CHLSN: variants seen among roughly 807,000 people sequenced by gnomAD.
The protein encoded by CHLSN is protein cholesin.
the CHLSN span, chr7:988,737 G>T: frequency 6.3e-7 from 1 of 1,599,470 alleles, no homozygotes; most frequent in Non-Finnish European, 8.5e-7. Flanking sequence ...CCTGGCGTCA[G>T]TCCGGCCTCC....
the CHLSN span, chr7:1,093,588 C>G: frequency 1.7e-5 from 8 of 471,160 alleles, no homozygotes; most frequent in South Asian, 1.2e-4. Flanking sequence ...ATCAACATGG[C>G]AATTGCACTC....
At chr7:1,117,647 G>A in the CHLSN span, among the ~76,000 whole-genome samples, 12 of 127,402 alleles carry the variant, frequency 9.4e-5, no homozygotes, top group South Asian at 2.6e-4. Flanking sequence ...ACAGCTCTAC[G>A]GACCGGCTTC....
At chr7:1,090,658 C>G in the CHLSN span, among the ~76,000 whole-genome samples, 1 of 152,098 alleles carries the variant, frequency 6.6e-6, no homozygotes, top group South Asian at 2.1e-4. Context: ...CGGCAGAGCC[C>G]GGGCACCGCC....
the CHLSN span, among the ~76,000 whole-genome samples, chr7:1,096,785 G>A: frequency 6.6e-6 from 1 of 152,150 alleles, no homozygotes; most frequent in Admixed American, 6.5e-5. The surrounding 1 kb of genome is among the most constrained non-coding windows in gnomAD (Gnocchi z 4.6). Context: ...CGGCTTACCC[G>A]CCCTTCCCAG....
the CHLSN span, among the ~76,000 whole-genome samples, chr7:1,009,375 G>A: frequency 6.6e-6 from 1 of 152,292 alleles, no homozygotes; most frequent in Non-Finnish European, 1.5e-5. Context: ...GGTAAGCGCC[G>A]GGGAGGTGGC....
the CHLSN span, among the ~76,000 whole-genome samples, chr7:1,012,636 C>T: frequency 6.6e-6 from 1 of 152,250 alleles, no homozygotes; most frequent in Non-Finnish European, 1.5e-5. Flanking sequence ...AGGAGTGCCA[C>T]CCACTGCCCT....
chr7:1,037,059 C>G, the CHLSN span, among the ~76,000 whole-genome samples: 2 of 145,990 alleles, frequency 1.4e-5, 1 homozygote, highest in Non-Finnish European at 3.1e-5. Flanking sequence ...TGCAGTGAGC[C>G]GAGATCACAC....
At chr7:979,635 C>T in the CHLSN span, among the ~76,000 whole-genome samples, 1 of 151,852 alleles carries the variant, frequency 6.6e-6, no homozygotes, top group African/African-American at 2.4e-5. Context: ...GCCTGTAGTC[C>T]CAGCTACTCG....
chr7:1,004,735 C>T, the CHLSN span, among the ~76,000 whole-genome samples: 1 of 152,240 alleles, frequency 6.6e-6, no homozygotes, highest in African/African-American at 2.4e-5. Context: ...GGTCCCTGCG[C>T]AACTGCAGAC....
chr7:1,138,006 GCCGC>G, the CHLSN span: 1 of 27,100 alleles, frequency 3.7e-5, no homozygotes, highest in Admixed American at 3.0e-4. Context: ...GGACGCACCG[GCCGC>G]ACCGGCCGCA....
At chr7:1,012,068 G>A in the CHLSN span, among the ~76,000 whole-genome samples, 41 of 152,358 alleles carry the variant, frequency 2.7e-4, no homozygotes, top group East Asian at 4.2e-3. Flanking sequence ...AGCCGCCAAC[G>A]GGGCAGGCAC....
the CHLSN span, among the ~76,000 whole-genome samples, chr7:1,079,057 G>C: frequency 2.6e-5 from 4 of 151,590 alleles, no homozygotes; most frequent in Admixed American, 2.6e-4. Context: ...TCAGGGCTCT[G>C]TCAAGACTGC....
the CHLSN span, chr7:1,009,880 G>C: frequency 1.9e-5 from 26 of 1,340,306 alleles, no homozygotes; most frequent in African/African-American, 2.9e-5. Flanking sequence ...GCGAGTGAAG[G>C]CTTCGACCCC....
chr7:1,125,769 C>T, the CHLSN span, among the ~76,000 whole-genome samples: 9 of 152,250 alleles, frequency 5.9e-5, no homozygotes, highest in East Asian at 3.8e-4. Flanking sequence ...TCCGCAGACA[C>T]GGAAAGCCCT....
chr7:1,021,510 G>C, the CHLSN span: 3 of 985,454 alleles, frequency 3.0e-6, no homozygotes, highest in Non-Finnish European at 2.4e-6. Flanking sequence ...AGTAGTTGGA[G>C]CTGGGACCCC....
At chr7:1,020,979 ACCTTCAGGCAGGTACCTCCAGGCTGG>A in the CHLSN span, among the ~76,000 whole-genome samples, 2 of 138,504 alleles carry the variant, frequency 1.4e-5, no homozygotes, top group African/African-American at 6.8e-5. Flanking sequence ...CAGGCTGGGG[ACCTTCAGGCAGGTACCTCCAGGCTGG>A]GGACCTTCGG....
At chr7:1,083,873 G>A in the CHLSN span, among the ~76,000 whole-genome samples, 2 of 152,186 alleles carry the variant, frequency 1.3e-5, no homozygotes, top group Admixed American at 6.5e-5. Context: ...CACTGTTTCC[G>A]GGCTCGGCAG....
chr7:1,073,222 C>A, the CHLSN span, among the ~76,000 whole-genome samples: 44 of 152,318 alleles, frequency 2.9e-4, no homozygotes, highest in African/African-American at 9.9e-4. Flanking sequence ...GAACACCTTA[C>A]ACCCTCCTTC....
the CHLSN span, among the ~76,000 whole-genome samples, chr7:1,040,690 CAAAAAA>C: frequency 6.9e-6 from 1 of 145,340 alleles, no homozygotes; most frequent in South Asian, 2.1e-4. Context: ...TTAAAAAGAA[CAAAAAA>C]AAAAAAAAGG....
Sources: gnomAD v4.1 joint callset for allele counts (sites outside exome capture counted in the v4.1 genomes callset) on GRCh38, gnomAD v4.1.1 for gene constraint, Gnocchi (gnomAD v3.1) non-coding constraint, MANE v1.5 for transcripts, NCBI Gene and HGNC (gene_info 2026-07-23, HGNC 2026-07-21) for gene names.